The following IL1RAPL1 variants were observed in gnomAD, a reference collection of about 807,000 sequenced individuals.
IL1RAPL1 encodes the protein interleukin 1 receptor accessory protein like 1.
A neutral mutation model predicts 48.4 loss-of-function variants in IL1RAPL1; 3 were observed. The ratio of observed to expected loss-of-function variants is 0.06; its 90% CI spans 0.03 to 0.16. The LOEUF is 0.16. Ranked by LOEUF, IL1RAPL1 falls within the 10% of genes least tolerant of loss-of-function variation. The pLI, the probability that IL1RAPL1 is intolerant of heterozygous loss-of-function variation, is 1.00. For missense variants in IL1RAPL1, 349 were observed against 530.6 expected (o/e 0.66, Z 3.36); for synonymous variants, 185 against 187.7 (o/e 0.99, Z 0.12).
At chrX:29,303,022 C>G in intron 3 of IL1RAPL1, among the ~76,000 whole-genome samples, 1 of 112,244 alleles carries the variant, frequency 8.9e-6, no homozygotes, top group East Asian at 2.8e-4. Flanking sequence ...TACCAGCTCC[C>G]TACCTGTTCC....
chrX:29,846,801 T>C (rs1020959641), intron 6 of IL1RAPL1, among the ~76,000 whole-genome samples: 23 of 99,560 alleles, frequency 2.3e-4, no homozygotes, highest in African/African-American at 5.2e-4. Flanking sequence ...TATATGTATA[T>C]ACACACACAC....
At chrX:29,783,053 T>C (rs5972956) in intron 6 of IL1RAPL1, among the ~76,000 whole-genome samples, 8,035 of 105,086 alleles carry the variant, frequency 0.076, 570 homozygotes, top group African/African-American at 0.22. Context: ...TACAGGCGCC[T>C]GCCACTACGC....
At chrX:29,526,612 TTAA>T (rs1043115390) in intron 5 of IL1RAPL1, among the ~76,000 whole-genome samples, 5 of 111,634 alleles carry the variant, frequency 4.5e-5, no homozygotes, top group Non-Finnish European at 9.4e-5. Flanking sequence ...ATATGCAAAA[TTAA>T]TAATGTTAAA....
intron 6 of IL1RAPL1, among the ~76,000 whole-genome samples, chrX:29,913,469 A>AAT (rs1199467969): frequency 1.9e-5 from 2 of 106,447 alleles, no homozygotes; most frequent in Non-Finnish European, 2.0e-5. Flanking sequence ...TAGAGAGAAA[A>AAT]ATATATATAT....
At chrX:29,056,697 T>C (rs1224573638) in intron 2 of IL1RAPL1, among the ~76,000 whole-genome samples, 1 of 111,795 alleles carries the variant, frequency 8.9e-6, no homozygotes, top group African/African-American at 3.3e-5. Context: ...TAGGTAAACA[T>C]GTGCCATGCT....
At chrX:28,969,203 T>C (rs1472630865) in intron 2 of IL1RAPL1, among the ~76,000 whole-genome samples, 1 of 112,054 alleles carries the variant, frequency 8.9e-6, no homozygotes, top group Non-Finnish European at 1.9e-5. Flanking sequence ...ATTTATTCAT[T>C]TAAAAGGATT....
At chrX:29,031,307 T>A (rs1293980860) in intron 2 of IL1RAPL1, among the ~76,000 whole-genome samples, 4 of 112,339 alleles carry the variant, frequency 3.6e-5, no homozygotes, top group Non-Finnish European at 7.5e-5. Flanking sequence ...CCAATTCTAC[T>A]TCAAATCAAG....
At chrX:29,538,994 A>C (rs373485108) in intron 5 of IL1RAPL1, among the ~76,000 whole-genome samples, 2 of 110,911 alleles carry the variant, frequency 1.8e-5, no homozygotes, top group East Asian at 5.6e-4. Flanking sequence ...GACTGGTACC[A>C]ATTTCACCGA....
chrX:29,660,002 G>A (rs1925794134), intron 5 of IL1RAPL1, among the ~76,000 whole-genome samples: 1 of 111,572 alleles, frequency 9.0e-6, no homozygotes. Flanking sequence ...CAATCAGGCA[G>A]AAGTGAAGAA....
At chrX:29,227,088 TAG>T (rs1280605828) in intron 2 of IL1RAPL1, among the ~76,000 whole-genome samples, 1 of 110,442 alleles carries the variant, frequency 9.1e-6, no homozygotes, top group African/African-American at 3.3e-5. Context: ...TGTGGTAATT[TAG>T]AGTGTTTTTA....
chrX:29,785,338 A>G (rs900259435), intron 6 of IL1RAPL1, among the ~76,000 whole-genome samples: 1 of 112,568 alleles, frequency 8.9e-6, no homozygotes, highest in Non-Finnish European at 1.9e-5. Context: ...AATCTGAAAG[A>G]CTGGTCATAC....
At position 29,398,176 on chromosome X, in the gene IL1RAPL1, A is replaced by C. The variant is rs181041157; in HGVS notation, c.550-979A>C. Among the ~76,000 whole-genome samples, 263 of 112,219 alleles carry C rather than the reference A, an allele frequency of 2.3e-3. 1 individual carries two copies. Among genetic ancestry groups the C allele is most frequent in the Non-Finnish European group, 4.1e-3 (220 of 53,246 alleles). On this transcript the variant is annotated intron_variant, in intron 4 of 10. Coordinates refer to ENST00000378993, the MANE Select transcript of IL1RAPL1 (RefSeq NM_014271.4). ...TGTAGATGTCACACATTCAGTGGAA[A>C]ATTTATGCAATTACCACAAGTCATG... is the stretch of plus-strand genomic sequence containing the variant.
intron 6 of IL1RAPL1, among the ~76,000 whole-genome samples, chrX:29,732,872 C>T (rs1035228581): frequency 4.5e-5 from 5 of 111,886 alleles, no homozygotes; most frequent in African/African-American, 6.5e-5. Flanking sequence ...GCAAATTTGT[C>T]GCACATTTGT....
At chrX:28,771,228 G>A (rs929502280) in intron 1 of IL1RAPL1, among the ~76,000 whole-genome samples, 2 of 111,700 alleles carry the variant, frequency 1.8e-5, no homozygotes, top group African/African-American at 6.5e-5. Flanking sequence ...ACCTGGAAAC[G>A]ATTGCATTCT....
chrX:29,512,336 T>C (rs1226331593), intron 5 of IL1RAPL1, among the ~76,000 whole-genome samples: 1 of 89,410 alleles, frequency 1.1e-5, no homozygotes, highest in Admixed American at 1.2e-4. Context: ...AAGAAACTCT[T>C]TCCGAAGCTG....
intron 2 of IL1RAPL1, among the ~76,000 whole-genome samples, chrX:29,106,420 G>T (rs1928447753): frequency 9.1e-6 from 1 of 110,179 alleles, no homozygotes; most frequent in Non-Finnish European, 1.9e-5. Context: ...CGTTCTACAA[G>T]GACTCAGTGG....
intron 2 of IL1RAPL1, among the ~76,000 whole-genome samples, chrX:29,093,568 T>A (rs1467793537): frequency 9.0e-6 from 1 of 111,546 alleles, no homozygotes; most frequent in Non-Finnish European, 1.9e-5. Flanking sequence ...GAAAGACATG[T>A]TCTCAGGATG....
chrX:29,775,663 C>A (rs1160445933), intron 6 of IL1RAPL1, among the ~76,000 whole-genome samples: 1 of 110,966 alleles, frequency 9.0e-6, no homozygotes, highest in Non-Finnish European at 1.9e-5. Context: ...TTATAATAGT[C>A]CTAGATCTGA....
intron 9 of IL1RAPL1, among the ~76,000 whole-genome samples, 186 bp downstream of exon 9, chrX:29,941,980 T>C (rs1933137253): frequency 8.9e-6 from 1 of 112,317 alleles, no homozygotes; most frequent in African/African-American, 3.2e-5. Context: ...ATACTGTAGG[T>C]ATTTTCCTCT....
Sources: allele counts gnomAD v4.1 joint callset (sites outside exome capture counted in the v4.1 genomes callset), GRCh38; gene constraint gnomAD v4.1.1; transcripts MANE v1.5; gene names NCBI Gene and HGNC (gene_info 2026-07-23, HGNC 2026-07-21).